The following CNTNAP2 variants were observed in gnomAD, a reference collection of about 807,000 sequenced individuals.
CNTNAP2 encodes the protein contactin-associated protein-like 2.
A neutral mutation model predicts 155.2 loss-of-function variants in CNTNAP2; 98 were observed. The observed-to-expected ratio is 0.63, with a 90% CI of 0.54 to 0.75. The LOEUF (loss-of-function observed/expected upper bound fraction) is 0.75. Ranked by LOEUF, CNTNAP2 falls within the 30% of genes least tolerant of loss-of-function variation. The probability of loss-of-function intolerance (pLI) is 0.00; values close to 1 mark genes in which losing one functional copy is unlikely to be tolerated. For missense variants in CNTNAP2, 1,727 were observed against 1,688.1 expected (o/e 1.02, Z -0.40); for synonymous variants, 651 against 631.2 (o/e 1.03, Z -0.47).
rs143242358 is a variant in CNTNAP2 at position 146,663,182 on chromosome 7, G to A, written c.98-111089G>A. ...AACCACAGCTACTTGGGTGGCTGAG[G>A]CAGGAGAATCACTTAAACCCGGGAG... is the stretch of plus-strand genomic sequence containing the variant. On this transcript the variant is annotated intron_variant, in intron 1 of 23. Transcript: ENST00000361727. 1.0e-4 allele frequency among the ~76,000 whole-genome samples: 15 copies of A among 149,900 alleles called. No homozygotes were observed. In the East Asian group the frequency reaches 2.5e-3, roughly 25 times the overall value.
At chr7:147,821,068 A>G (rs1432134604) in intron 13 of CNTNAP2, among the ~76,000 whole-genome samples, 1 of 152,190 alleles carries the variant, frequency 6.6e-6, no homozygotes, top group Non-Finnish European at 1.5e-5. Context: ...AAACCTTGGA[A>G]GAACACAAAT....
intron 1 of CNTNAP2, among the ~76,000 whole-genome samples, chr7:146,152,897 C>G (rs951494576): frequency 6.6e-6 from 1 of 152,080 alleles, no homozygotes; most frequent in Non-Finnish European, 1.5e-5. Flanking sequence ...CATCAACCTT[C>G]AATATAAAAA....
At chr7:147,218,884 C>G (rs1459236705) in intron 8 of CNTNAP2, among the ~76,000 whole-genome samples, 2 of 152,152 alleles carry the variant, frequency 1.3e-5, no homozygotes, top group Non-Finnish European at 2.9e-5. Context: ...TCAGTTTTTG[C>G]CTCACATACT....
intron 1 of CNTNAP2, among the ~76,000 whole-genome samples, chr7:146,603,938 A>T (rs1798995405): frequency 1.5e-5 from 2 of 136,478 alleles, no homozygotes; most frequent in Non-Finnish European, 3.1e-5. Context: ...TGGATTAAAG[A>T]TTTAAACGTT....
At chr7:148,071,322 C>T (rs1803377836) in intron 15 of CNTNAP2, among the ~76,000 whole-genome samples, 1 of 151,358 alleles carries the variant, frequency 6.6e-6, no homozygotes, top group East Asian at 1.9e-4. Context: ...ACTAAAAATA[C>T]AAAAAAAAAT....
intron 13 of CNTNAP2, among the ~76,000 whole-genome samples, chr7:147,827,281 G>A (rs1242435576): frequency 2.0e-5 from 3 of 152,142 alleles, no homozygotes; most frequent in African/African-American, 7.2e-5. Context: ...AGGGCTCTGA[G>A]TCAACCTGAC....
At chr7:147,858,430 A>G (rs1405324816) in intron 13 of CNTNAP2, among the ~76,000 whole-genome samples, 1 of 152,262 alleles carries the variant, frequency 6.6e-6, no homozygotes, top group African/African-American at 2.4e-5. Context: ...AAAGCTTTCC[A>G]GTGCTAAAGC....
chr7:147,039,523 ATTCT>A (rs1178495039), intron 3 of CNTNAP2, among the ~76,000 whole-genome samples: 3 of 152,094 alleles, frequency 2.0e-5, no homozygotes, highest in Admixed American at 6.5e-5. Context: ...GCTCCATCTC[ATTCT>A]TTTTTATTGC....
At chr7:147,727,675 T>C (rs1271944762) in intron 13 of CNTNAP2, among the ~76,000 whole-genome samples, 3 of 151,180 alleles carry the variant, frequency 2.0e-5, no homozygotes, top group African/African-American at 4.9e-5. Flanking sequence ...AGCATTTTAG[T>C]AACATGTCCA....
intron 15 of CNTNAP2, among the ~76,000 whole-genome samples, chr7:147,998,587 G>C: frequency 6.6e-6 from 1 of 152,292 alleles, no homozygotes; most frequent in East Asian, 1.9e-4. Flanking sequence ...GCAAAGCAAA[G>C]AGAATGAGTA....
intron 8 of CNTNAP2, among the ~76,000 whole-genome samples, chr7:147,168,299 G>A (rs1802160911): frequency 6.6e-6 from 1 of 151,652 alleles, no homozygotes; most frequent in Non-Finnish European, 1.5e-5. Flanking sequence ...GATGGGTCTT[G>A]TCAATGTAGA....
chr7:147,742,287 A>T (rs961098538), intron 13 of CNTNAP2, among the ~76,000 whole-genome samples: 1 of 152,242 alleles, frequency 6.6e-6, no homozygotes, highest in African/African-American at 2.4e-5. Context: ...AGCTCATGAT[A>T]GATGTTTGAA....
At chr7:147,981,123 T>C (rs1801521597) in intron 15 of CNTNAP2, among the ~76,000 whole-genome samples, 1 of 152,132 alleles carries the variant, frequency 6.6e-6, no homozygotes, top group Admixed American at 6.5e-5. Flanking sequence ...TCTTTGAAAA[T>C]GGCATTTACA....
At position 146,489,064 on chromosome 7, in the gene CNTNAP2, A is replaced by G. The variant is rs192292130; in HGVS notation, c.98-285207A>G. On this transcript the variant is annotated intron_variant, in intron 1 of 23. Coordinates refer to ENST00000361727, the MANE Select transcript of CNTNAP2 (RefSeq NM_014141.6). ...GAAGCCACACCTATTTGAAATCGCT[A>G]AAGTTACCACCCATTTTTCAGCAGT... Among the ~76,000 whole-genome samples the G allele has an allele frequency of 5.9e-5, 9 of 152,354 alleles. No homozygotes were observed. The East Asian group carries it at 1.7e-3, about 29-fold the overall frequency.
intron 1 of CNTNAP2, among the ~76,000 whole-genome samples, chr7:146,350,421 T>G (rs1241769776): frequency 1.3e-5 from 2 of 151,952 alleles, no homozygotes; most frequent in African/African-American, 4.8e-5. Context: ...AAAAAACACA[T>G]GAAAAAATGC....
chr7:146,196,616 G>C (rs1036348954), intron 1 of CNTNAP2, among the ~76,000 whole-genome samples: 1 of 151,878 alleles, frequency 6.6e-6, no homozygotes, highest in African/African-American at 2.4e-5. Flanking sequence ...AGAGAGAATT[G>C]TGGGACCTAG....
intron 13 of CNTNAP2, among the ~76,000 whole-genome samples, chr7:147,901,555 A>G (rs376699848): frequency 1.3e-5 from 2 of 152,154 alleles, no homozygotes; most frequent in African/African-American, 4.8e-5. Context: ...AGTCCTATAC[A>G]TATTTTCCAA....
chr7:147,311,080 A>T (rs1040352891), intron 9 of CNTNAP2, among the ~76,000 whole-genome samples: 2 of 152,184 alleles, frequency 1.3e-5, no homozygotes, highest in Non-Finnish European at 2.9e-5. Context: ...GAGAACGATC[A>T]GCTCTCAAGG....
At chr7:146,706,467 A>G (rs1800967660) in intron 1 of CNTNAP2, among the ~76,000 whole-genome samples, 1 of 152,182 alleles carries the variant, frequency 6.6e-6, no homozygotes, top group Non-Finnish European at 1.5e-5. Flanking sequence ...TCAAAGTGTT[A>G]CAATCTGAAT....
Sources: gnomAD v4.1 joint callset for allele counts (sites outside exome capture counted in the v4.1 genomes callset) on GRCh38, gnomAD v4.1.1 for gene constraint, MANE v1.5 for transcripts, NCBI Gene and HGNC (gene_info 2026-07-23, HGNC 2026-07-21) for gene names.